The following FAM135B variants were observed in gnomAD, a reference collection of about 807,000 sequenced individuals.
The protein encoded by FAM135B is family with sequence similarity 135 member B.
FAM135B carries 43 observed loss-of-function variants against 127.7 expected under a neutral mutation model. That is an observed-to-expected ratio of 0.34 (90% confidence interval 0.26 to 0.43). FAM135B has a LOEUF of 0.43. Ranked by LOEUF, FAM135B falls within the 20% of genes least tolerant of loss-of-function variation. The probability of loss-of-function intolerance (pLI) is 1.00; values close to 1 mark genes in which losing one functional copy is unlikely to be tolerated. For synonymous variants in FAM135B, 670 were observed against 665.1 expected (o/e 1.01, Z -0.11); for missense variants, 1,558 against 1,725.6 (o/e 0.90, Z 1.72).
Position 138,334,965 on chromosome 8 carries a change from A to C in FAM135B, c.78-24045T>G, listed in dbSNP as rs78900670. Reference sequence around the variant, plus strand: ...TCTTATTTTTGTTTAAAATGCTGACATCAATGCATTTATAATCCTTATGCA... The same window carrying C: ...TCTTATTTTTGTTTAAAATGCTGACCTCAATGCATTTATAATCCTTATGCA... On this transcript the variant is annotated intron_variant, in intron 2 of 19. Transcript: ENST00000395297. Among the ~76,000 whole-genome samples, 293 of 152,364 alleles carry C rather than the reference A, an allele frequency of 1.9e-3. 2 individuals carry two copies. The highest frequency in any genetic ancestry group is 3.0e-3 in the Non-Finnish European group (206 of 68,040).
chr8:138,296,452 C>A (rs1451700379), intron 3 of FAM135B, among the ~76,000 whole-genome samples: 1 of 152,126 alleles, frequency 6.6e-6, no homozygotes, highest in African/African-American at 2.4e-5. Flanking sequence ...CCTTCTTTCC[C>A]AGCCCCCCAA....
chr8:138,140,394 A>G (rs1817030234), intron 17 of FAM135B, among the ~76,000 whole-genome samples: 1 of 152,236 alleles, frequency 6.6e-6, no homozygotes, highest in African/African-American at 2.4e-5. Flanking sequence ...GTAGTTGTTA[A>G]GAACATGATT....
intron 3 of FAM135B, among the ~76,000 whole-genome samples, chr8:138,273,608 C>T (rs1823567363): frequency 6.6e-6 from 1 of 152,204 alleles, no homozygotes; most frequent in African/African-American, 2.4e-5. Flanking sequence ...TGCTTACTAG[C>T]TGGGAGATGC....
At position 138,152,784 on chromosome 8, in the gene FAM135B, G is replaced by A. The variant is rs1818298043; in HGVS notation, c.1691C>T (p.Ser564Phe). ...GAAGGCCACCAGGGGTTCAGCTCTGGAGGGGTTCTTATTGCTAGATTTTAC... is the reference window on the plus strand; with the variant it reads ...GAAGGCCACCAGGGGTTCAGCTCTGAAGGGGTTCTTATTGCTAGATTTTAC... The part of the protein sequence containing the change: ...IDVKSSNKNP[S>F]RAEPLVAFNA... The change falls in exon 13 of 20, where the codon TCC (serine) becomes TTC (phenylalanine). Residue 564 changes from serine to phenylalanine, a missense_variant. Physicochemically the swap from Ser to Phe is radical, Grantham distance 155 (BLOSUM62 -2). Transcript: ENST00000395297. 6.2e-7 allele frequency: 1 copy of A among 1,614,072 alleles called. No homozygotes were observed. The highest frequency in any genetic ancestry group is 1.3e-5 in the African/African-American group (1 of 74,926).
At chr8:138,276,945 T>C (rs1486811420) in intron 3 of FAM135B, among the ~76,000 whole-genome samples, 1 of 152,168 alleles carries the variant, frequency 6.6e-6, no homozygotes, top group Admixed American at 6.5e-5. Flanking sequence ...CACTGTAGTC[T>C]GGGAGGGAGG....
At chr8:138,310,690 T>G in intron 3 of FAM135B, 151 bp downstream of exon 3, 3 of 617,468 alleles carry the variant, frequency 4.9e-6, no homozygotes, top group Middle Eastern at 4.4e-4. Flanking sequence ...CTCCAACTGT[T>G]GGTTTCCATT....
At chr8:138,441,248 C>T (rs1254036773) in intron 1 of FAM135B, 4 of 152,234 alleles carry the variant, frequency 2.6e-5, no homozygotes, top group African/African-American at 9.6e-5. Flanking sequence ...GATGAGAGAA[C>T]AAGTTTGTTT....
chr8:138,256,500 G>A (rs1292847198), intron 5 of FAM135B, among the ~76,000 whole-genome samples, 189 bp downstream of exon 5: 2 of 152,174 alleles, frequency 1.3e-5, no homozygotes, highest in Non-Finnish European at 2.9e-5. Context: ...TGACTAAAAC[G>A]TATGTGGTTT....
chr8:138,178,352 A>G, intron 10 of FAM135B, among the ~76,000 whole-genome samples, 183 bp downstream of exon 10: 1 of 152,176 alleles, frequency 6.6e-6, no homozygotes, highest in East Asian at 1.9e-4. Context: ...TATTCTATGA[A>G]TGACACAGCA....
chr8:138,457,998 GA>G (rs1284452975), intron 1 of FAM135B, among the ~76,000 whole-genome samples: 2 of 149,818 alleles, frequency 1.3e-5, no homozygotes, highest in African/African-American at 2.5e-5. Context: ...AAAAGAGAGA[GA>G]AAAAAACTTA....
At chr8:138,222,282 A>AAAGGGGGT (rs1819081256) in intron 7 of FAM135B, among the ~76,000 whole-genome samples, 1 of 152,190 alleles carries the variant, frequency 6.6e-6, no homozygotes, top group Non-Finnish European at 1.5e-5. Flanking sequence ...AGGATGACAG[A>AAAGGGGGT]AAGGGGGTTG....
At chr8:138,269,737 T>C (rs993215358) in intron 3 of FAM135B, among the ~76,000 whole-genome samples, 3 of 152,220 alleles carry the variant, frequency 2.0e-5, no homozygotes, top group African/African-American at 7.2e-5. Flanking sequence ...CGAGCTCCAA[T>C]GAGACAAGAA....
rs374281669 is a variant in FAM135B, at chr8:138,166,294, C to G, written c.1258+1601G>C. 2.0e-5 allele frequency among the ~76,000 whole-genome samples: 3 copies of G among 152,156 alleles called. No homozygotes were observed. In the South Asian group the frequency reaches 6.2e-4, roughly 32 times the overall value. ...CTTGTTGGGTTTCCAGGAGCAGGGC[C>G]GTGGGGCAGGACAAGAAACGAGCCT... On this transcript the variant is annotated intron_variant, in intron 12 of 19. Coordinates refer to ENST00000395297, the MANE Select transcript of FAM135B (RefSeq NM_015912.4).
Position 138,152,572 on chromosome 8 carries a change from G to T in FAM135B, c.1903C>A (p.Leu635Ile). The T allele has an allele frequency of 6.2e-7, 1 of 1,614,186 alleles. No homozygotes were observed. Among genetic ancestry groups the T allele is most frequent in the Non-Finnish European group, 8.5e-7 (1 of 1,180,030 alleles). ...EGKMVLLSLK[L>I]TPSEPCDPLS... ...GGATCACAGGGCTCAGAGGGGGTGA[G>T]TTTCAAGCTTAGCAGCACCATCTTC... Residue 635 changes from leucine (L) to isoleucine (I), a missense_variant, in exon 13 of 20, where the codon CTC (leucine) becomes ATC (isoleucine). Physicochemically the swap from Leu to Ile is conservative, Grantham distance 5. Transcript: ENST00000395297.
At chr8:138,379,485 T>C (rs1188673144) in intron 1 of FAM135B, among the ~76,000 whole-genome samples, 1 of 152,182 alleles carries the variant, frequency 6.6e-6, no homozygotes, top group Middle Eastern at 3.2e-3. Context: ...AATAAAAATT[T>C]TGCATAACAA....
chr8:138,195,453 T>G, intron 8 of FAM135B, 146 bp from the exon 9 acceptor site: 1 of 724,578 alleles, frequency 1.4e-6, no homozygotes, highest in Middle Eastern at 3.3e-4. Context: ...CTATTCTAAC[T>G]TCCTAAAGGG....
intron 2 of FAM135B, among the ~76,000 whole-genome samples, chr8:138,337,650 G>C (rs1828707033): frequency 6.6e-6 from 1 of 152,114 alleles, no homozygotes; most frequent in Admixed American, 6.5e-5. Flanking sequence ...TCATGGGTAG[G>C]AAGAATCAAT....
intron 1 of FAM135B, among the ~76,000 whole-genome samples, chr8:138,370,314 G>C (rs925783423): frequency 6.6e-6 from 1 of 151,974 alleles, no homozygotes; most frequent in Admixed American, 6.6e-5. Context: ...TAGAGTTTTG[G>C]AACTTGTAAA....
chr8:138,338,911 C>A (rs1828822785), intron 2 of FAM135B, among the ~76,000 whole-genome samples: 1 of 152,088 alleles, frequency 6.6e-6, no homozygotes, highest in South Asian at 2.1e-4. Flanking sequence ...ACATATACAC[C>A]ATGGAATACT....
Sources: allele counts gnomAD v4.1 joint callset (sites outside exome capture counted in the v4.1 genomes callset), GRCh38; gene constraint gnomAD v4.1.1; transcripts MANE v1.5; gene names NCBI Gene and HGNC (gene_info 2026-07-23, HGNC 2026-07-21).